The following HNF4G variants were observed in gnomAD, a reference collection of about 807,000 sequenced individuals.
HNF4G encodes hepatocyte nuclear factor 4 gamma.
Under a neutral mutation model 50.9 loss-of-function variants are expected in HNF4G, and 21 were observed. That is an observed-to-expected ratio of 0.41 (90% CI 0.29 to 0.59). The LOEUF is 0.59. Among genes scored for constraint, HNF4G ranks in the 20% least tolerant of loss-of-function variants. The probability of loss-of-function intolerance (pLI) is 0.26; values close to 1 mark genes in which losing one functional copy is unlikely to be tolerated. For synonymous variants in HNF4G, 198 were observed against 185.6 expected (o/e 1.07, Z -0.54); for missense variants, 527 against 559.4 (o/e 0.94, Z 0.58).
intron 1 of HNF4G, among the ~76,000 whole-genome samples, chr8:75,431,799 G>A (rs35201737): frequency 0.044 from 6,684 of 151,726 alleles, 193 homozygotes; most frequent in Non-Finnish European, 0.062. Context: ...TGTGTCAGGC[G>A]CCTGTAATCC....
intron 1 of HNF4G, among the ~76,000 whole-genome samples, chr8:75,489,823 G>A (rs1186451211): frequency 6.6e-6 from 1 of 152,150 alleles, no homozygotes; most frequent in Non-Finnish European, 1.5e-5. Flanking sequence ...GATCCTCCTG[G>A]TAGCCAGATA....
intron 1 of HNF4G, among the ~76,000 whole-genome samples, chr8:75,476,160 G>T (rs1812234558): frequency 6.6e-6 from 1 of 151,910 alleles, no homozygotes. Flanking sequence ...CATGTCCATT[G>T]TTTATCTCCC....
chr8:75,417,951 G>C (rs1810681381), intron 1 of HNF4G, among the ~76,000 whole-genome samples: 1 of 146,142 alleles, frequency 6.8e-6, no homozygotes, highest in Admixed American at 6.8e-5. Context: ...TTATAAATGT[G>C]TGTGTGTCTA....
chr8:75,429,098 C>G (rs999618588), intron 1 of HNF4G, among the ~76,000 whole-genome samples: 5 of 152,120 alleles, frequency 3.3e-5, no homozygotes, highest in African/African-American at 1.2e-4. Context: ...CGAGAAATTC[C>G]TCAAGAATAA....
At chr8:75,554,202 G>A (rs1337843902) in intron 5 of HNF4G, among the ~76,000 whole-genome samples, 1 of 152,092 alleles carries the variant, frequency 6.6e-6, no homozygotes, top group African/African-American at 2.4e-5. Context: ...AGAAGGTTAT[G>A]CCAGTGAATA....
intron 2 of HNF4G, among the ~76,000 whole-genome samples, chr8:75,514,354 C>CTTTTTTTTTTTTTTCTTTTTTTTTTTTTT (rs36078375): frequency 1.6e-5 from 2 of 125,034 alleles, no homozygotes; most frequent in Non-Finnish European, 3.3e-5. Flanking sequence ...TTTCTTCTTT[C>CTTTTTTTTTTTTTTCTTTTTTTTTTTTTT]TTTTTTTTTT....
intron 1 of HNF4G, among the ~76,000 whole-genome samples, chr8:75,424,068 G>A (rs1225640940): frequency 6.7e-6 from 1 of 149,592 alleles, no homozygotes; most frequent in Non-Finnish European, 1.5e-5. Flanking sequence ...TGATCCGCCT[G>A]CCTCGGCCTC....
At chr8:75,414,506 T>A (rs1356428707) in intron 1 of HNF4G, among the ~76,000 whole-genome samples, 1 of 152,138 alleles carries the variant, frequency 6.6e-6, no homozygotes, top group Admixed American at 6.6e-5. Flanking sequence ...CTCCAAAGGT[T>A]TTCTAAAGCT....
At chr8:75,553,284 T>C in intron 5 of HNF4G, 87 bp downstream of exon 5, 1 of 1,120,304 alleles carries the variant, frequency 8.9e-7, no homozygotes, top group Admixed American at 2.1e-5. Context: ...TTGTAATGCA[T>C]ATTCTATATT....
rs537538704 is a variant in HNF4G at position 75,500,763 on chromosome 8, C to A, written c.-24+10555C>A. 2.6e-5 allele frequency among the ~76,000 whole-genome samples: 4 copies of A among 152,148 alleles called. No homozygotes were observed. In the East Asian group the frequency reaches 7.7e-4, roughly 29 times the overall value. ...CACTAAGTGAAACAAGACACACATG[C>A]ACACAAAATATTGTACAATTCCCTT... is the stretch of plus-strand genomic sequence containing the variant. On this transcript the variant is annotated intron_variant, in intron 2 of 10. Coordinates refer to the HNF4G transcript ENST00000354370.
chr8:75,435,803 A>G (rs1250558995), intron 1 of HNF4G, among the ~76,000 whole-genome samples: 1 of 152,142 alleles, frequency 6.6e-6, no homozygotes, highest in Non-Finnish European at 1.5e-5. Context: ...CATGTTAGCT[A>G]GGCTAGTCTC....
intron 3 of HNF4G, among the ~76,000 whole-genome samples, chr8:75,550,248 A>G (rs1183004823): frequency 6.6e-6 from 1 of 152,284 alleles, no homozygotes; most frequent in South Asian, 2.1e-4. Flanking sequence ...TTAATGAAAG[A>G]TAATTTCACC....
At chr8:75,557,449 G>T (rs1478640009) in intron 6 of HNF4G, among the ~76,000 whole-genome samples, 2 of 152,032 alleles carry the variant, frequency 1.3e-5, no homozygotes, top group African/African-American at 4.8e-5. Flanking sequence ...GTGAAACCTC[G>T]TCTCTACTAA....
At chr8:75,518,025 A>G (rs1213853837) in intron 2 of HNF4G, among the ~76,000 whole-genome samples, 1 of 151,290 alleles carries the variant, frequency 6.6e-6, no homozygotes, top group Non-Finnish European at 1.5e-5. Flanking sequence ...TTTAGGGTAC[A>G]TGTGCACAAT....
At chr8:75,532,988 A>G (rs913454288) in intron 2 of HNF4G, among the ~76,000 whole-genome samples, 4 of 151,970 alleles carry the variant, frequency 2.6e-5, no homozygotes, top group Non-Finnish European at 5.9e-5. Context: ...TCATTATTTT[A>G]TCATGATTAC....
rs565790399 is a variant in HNF4G at position 75,502,236 on chromosome 8, G to A, written c.-24+12028G>A. On this transcript the variant is annotated intron_variant, in intron 2 of 10. Coordinates refer to the HNF4G transcript ENST00000354370. ...TAGATTTCTCAAATTTAAAAACAAA[G>A]TTTTAAACATAAAATAAAGTATATA... is the stretch of plus-strand genomic sequence containing the variant. Among the ~76,000 whole-genome samples, 6 of 152,258 alleles carry A rather than the reference G, an allele frequency of 3.9e-5. No homozygotes were observed. In the East Asian group the frequency reaches 1.2e-3, roughly 29 times the overall value.
chr8:75,559,279 T>TG (rs199633924), intron 8 of HNF4G, among the ~76,000 whole-genome samples: 96,729 of 149,594 alleles, frequency 0.65, 32,855 homozygotes, highest in African/African-American at 0.87. Flanking sequence ...TTTTGTTTGT[T>TG]TTTTTTTTTT....
intron 9 of HNF4G, among the ~76,000 whole-genome samples, chr8:75,563,430 C>CAA (rs5892499): frequency 2.8e-5 from 4 of 144,550 alleles, no homozygotes; most frequent in Non-Finnish European, 6.1e-5. Context: ...AATTTTGAAG[C>CAA]AAAAAAAAAA....
At chr8:75,474,018 G>A (rs533734517) in intron 1 of HNF4G, among the ~76,000 whole-genome samples, 3 of 152,270 alleles carry the variant, frequency 2.0e-5, no homozygotes, top group African/African-American at 7.2e-5. Context: ...TTAGGATGGA[G>A]GTGAAAATCT....
Sources: allele counts gnomAD v4.1 joint callset (sites outside exome capture counted in the v4.1 genomes callset), GRCh38; gene constraint gnomAD v4.1.1; transcripts MANE v1.5; gene names NCBI Gene and HGNC (gene_info 2026-07-23, HGNC 2026-07-21).